The following ERC2 variants were observed in gnomAD, a reference collection of about 807,000 sequenced individuals.
ERC2 encodes ERC protein 2.
In ERC2, 42 loss-of-function variants were observed where a neutral mutation model predicts 114.8. The ratio of observed to expected loss-of-function variants is 0.37; its 90% CI spans 0.29 to 0.47. The LOEUF (loss-of-function observed/expected upper bound fraction) is 0.47, where lower values mean the gene tolerates loss of function less well. Ranked by LOEUF, ERC2 falls within the 20% of genes least tolerant of loss-of-function variation. The pLI is 0.99. For missense variants in ERC2, 939 were observed against 1,150.7 expected, an observed-to-expected ratio of 0.82 and a Z score of 2.66; for synonymous variants, 454 against 425.5, an observed-to-expected ratio of 1.07 and a Z score of -0.82.
chr3:55,836,301 TC>T (rs2060881827), intron 14 of ERC2, among the ~76,000 whole-genome samples: 1 of 152,112 alleles, frequency 6.6e-6, no homozygotes, highest in Non-Finnish European at 1.5e-5. Flanking sequence ...GCCAAGTCAA[TC>T]CTAAGCCAAA....
At chr3:55,694,818 C>A (rs1485479296) in intron 16 of ERC2, among the ~76,000 whole-genome samples, 2 of 152,162 alleles carry the variant, frequency 1.3e-5, no homozygotes, top group Non-Finnish European at 2.9e-5. Context: ...TAACACCCAA[C>A]CCAAGACCCG....
chr3:55,884,892 T>TA lies in ERC2; in HGVS notation c.2564+3496dup, dbSNP rs540983901. Among the ~76,000 whole-genome samples the TA allele has an allele frequency of 2.0e-4, 30 of 148,076 alleles. 1 individual carries two copies. The highest frequency in any genetic ancestry group is 3.5e-3 in the Middle Eastern group (1 of 288). On this transcript the variant is annotated intron_variant, in intron 14 of 17. Coordinates refer to ENST00000288221, the MANE Select transcript of ERC2 (RefSeq NM_015576.3). Reference sequence around the variant, plus strand: ...TTTATATTAATTTTAGTTTGCTGCTTAAAAAAAAAAATCTTATCCCTACAA... The same window carrying TA: ...TTTATATTAATTTTAGTTTGCTGCTTAAAAAAAAAAAATCTTATCCCTACAA...
intron 13 of ERC2, among the ~76,000 whole-genome samples, chr3:55,890,364 T>A (rs1159090700): frequency 1.3e-5 from 2 of 152,236 alleles, no homozygotes; most frequent in Non-Finnish European, 2.9e-5. Context: ...TGTGTCCTCA[T>A]GATTCCTTTT....
intron 3 of ERC2, among the ~76,000 whole-genome samples, chr3:56,199,925 G>A (rs983926166): frequency 2.6e-5 from 4 of 152,092 alleles, no homozygotes; most frequent in Admixed American, 6.6e-5. Flanking sequence ...CTATACAAGA[G>A]GATAAGTAGG....
intron 4 of ERC2, among the ~76,000 whole-genome samples, chr3:56,167,050 C>G (rs1468082389): frequency 6.6e-6 from 1 of 152,080 alleles, no homozygotes; most frequent in Non-Finnish European, 1.5e-5. Context: ...ACTCGTGGCT[C>G]TTATAGTTCC....
rs146723952 is a variant in ERC2 at position 56,272,689 on chromosome 3, G to T, written c.1074+23330C>A. On this transcript the variant is annotated intron_variant, in intron 3 of 17. Coordinates refer to ENST00000288221, the MANE Select transcript of ERC2 (RefSeq NM_015576.3). ...GGAGGCTGAGGCAGAAGAATCGCTT[G>T]AACCCAGGAGCTGGAGGTTGCAGTG... 2.0e-3 allele frequency among the ~76,000 whole-genome samples: 305 copies of T among 152,320 alleles called. 9 individuals are homozygous for T. In the East Asian group the frequency reaches 0.048, roughly 24 times the overall value.
Position 56,405,461 on chromosome 3 carries a change from G to A in ERC2, c.657+28890C>T, listed in dbSNP as rs74412397. On this transcript the variant is annotated intron_variant, in intron 2 of 17. Transcript: ENST00000288221. ...AAAAAAAAAAGAAGGGATGGACCCAGACTGGGCAGTAGCCCTGATCAAAGT... is the reference window on the plus strand; with the variant it reads ...AAAAAAAAAAGAAGGGATGGACCCAAACTGGGCAGTAGCCCTGATCAAAGT... 4.7e-4 allele frequency among the ~76,000 whole-genome samples: 71 copies of A among 152,062 alleles called. No individual in the cohort carries two copies. The East Asian group carries it at 0.013, about 27-fold the overall frequency.
chr3:56,339,379 C>A (rs901373565), intron 2 of ERC2, among the ~76,000 whole-genome samples: 9 of 151,888 alleles, frequency 5.9e-5, no homozygotes, highest in African/African-American at 2.2e-4. Flanking sequence ...GCAACAGGGG[C>A]AGCTTGTGTT....
intron 13 of ERC2, among the ~76,000 whole-genome samples, chr3:55,930,586 C>T (rs2066018905): frequency 6.6e-6 from 1 of 152,036 alleles, no homozygotes; most frequent in Non-Finnish European, 1.5e-5. Context: ...TTCCTTACAC[C>T]TTATAAAAAA....
intron 17 of ERC2, among the ~76,000 whole-genome samples, chr3:55,566,735 A>G (rs763982757): frequency 2.0e-5 from 3 of 151,362 alleles, no homozygotes; most frequent in African/African-American, 2.4e-5. Context: ...TTGTTGTTCT[A>G]TTACCCAGGC....
intron 14 of ERC2, among the ~76,000 whole-genome samples, chr3:55,875,392 A>C (rs2062781222): frequency 6.6e-6 from 1 of 152,184 alleles, no homozygotes; most frequent in African/African-American, 2.4e-5. Flanking sequence ...ATCAGGGGTG[A>C]GGTAATAGCA....
At chr3:55,911,803 T>G (rs2064829416) in intron 13 of ERC2, among the ~76,000 whole-genome samples, 1 of 152,240 alleles carries the variant, frequency 6.6e-6, no homozygotes, top group African/African-American at 2.4e-5. Flanking sequence ...GCAAATATCA[T>G]AAGTCATAAT....
intron 2 of ERC2, among the ~76,000 whole-genome samples, chr3:56,393,023 C>T (rs1375446409): frequency 1.3e-5 from 2 of 152,210 alleles, no homozygotes; most frequent in African/African-American, 4.8e-5. Flanking sequence ...TTCACATCTG[C>T]TATTCCCTTA....
Position 55,733,464 on chromosome 3 carries a change from T to TCACA in ERC2, c.2712+1303_2712+1306dup, listed in dbSNP as rs60980671. Among the ~76,000 whole-genome samples, 123 of 134,078 alleles carry TCACA rather than the reference T, an allele frequency of 9.2e-4. 1 individual carries two copies. Among genetic ancestry groups the TCACA allele is most frequent in the African/African-American group, 3.2e-3 (113 of 35,102 alleles). The allele number at this position is 134,078 out of a possible 152,430, so 88.0% of individuals were successfully genotyped here. Reference sequence around the variant, plus strand: ...CTCTGTCTCTCATTCTCTCTCTCTCTCACACACACACACACACACACATTC... The same window carrying TCACA: ...CTCTGTCTCTCATTCTCTCTCTCTCTCACACACACACACACACACACACACATTC... On this transcript the variant is annotated intron_variant, in intron 15 of 17. Coordinates refer to ENST00000288221, the MANE Select transcript of ERC2 (RefSeq NM_015576.3).
intron 1 of ERC2, among the ~76,000 whole-genome samples, chr3:56,442,869 G>A (rs1478548325): frequency 2.0e-5 from 3 of 152,160 alleles, no homozygotes; most frequent in Non-Finnish European, 1.5e-5. Flanking sequence ...TGAGACAGAC[G>A]CAGGTTCTGA....
At chr3:55,631,967 T>G (rs1270829918) in intron 17 of ERC2, among the ~76,000 whole-genome samples, 2 of 152,240 alleles carry the variant, frequency 1.3e-5, no homozygotes, top group African/African-American at 2.4e-5. Context: ...ATGCAGAAAC[T>G]GATGCTTTGA....
At chr3:56,101,113 A>T (rs1011351382) in intron 6 of ERC2, among the ~76,000 whole-genome samples, 12 of 152,174 alleles carry the variant, frequency 7.9e-5, no homozygotes, top group Non-Finnish European at 1.6e-4. Flanking sequence ...GATCCATTTC[A>T]TTGGATAGAG....
At chr3:56,164,588 G>T (rs2082228215) in intron 4 of ERC2, among the ~76,000 whole-genome samples, 1 of 151,990 alleles carries the variant, frequency 6.6e-6, no homozygotes, top group Admixed American at 6.6e-5. Context: ...ACATATGTTT[G>T]CAATTCTGTT....
intron 15 of ERC2, among the ~76,000 whole-genome samples, chr3:55,725,653 A>G (rs973192919): frequency 6.6e-5 from 10 of 152,210 alleles, no homozygotes; most frequent in African/African-American, 2.2e-4. Context: ...TGCTCCATGC[A>G]TGTTTAGGGA....
Sources: allele counts gnomAD v4.1 joint callset (sites outside exome capture counted in the v4.1 genomes callset), GRCh38; gene constraint gnomAD v4.1.1; transcripts MANE v1.5; gene names NCBI Gene and HGNC (gene_info 2026-07-23, HGNC 2026-07-21).